Variants in CNOT10 observed in about 807,000 individuals in gnomAD.
The protein encoded by CNOT10 is CCR4-NOT transcription complex, subunit 10.
A neutral mutation model predicts 94.6 loss-of-function variants in CNOT10; 30 were observed. That is an observed-to-expected ratio of 0.32 (90% confidence interval 0.24 to 0.43). The LOEUF (loss-of-function observed/expected upper bound fraction) is 0.43, where lower values mean the gene tolerates loss of function less well. CNOT10 is among the 20% of genes least tolerant of loss of function. The pLI is 1.00. For synonymous variants in CNOT10, 289 were observed against 301.6 expected (o/e 0.96, Z 0.43); for missense variants, 759 against 877.2 (o/e 0.87, Z 1.70).
intron 13 of CNOT10, among the ~76,000 whole-genome samples, chr3:32,746,026 T>A (rs1303547312): frequency 6.6e-6 from 1 of 152,228 alleles, no homozygotes; most frequent in Admixed American, 6.5e-5. Flanking sequence ...CAAGTTAACA[T>A]GGATGAATCT....
At chr3:32,704,080 A>T in intron 2 of CNOT10, 118 bp downstream of exon 2, 2 of 565,820 alleles carry the variant, frequency 3.5e-6, no homozygotes, top group Non-Finnish European at 6.2e-6. Context: ...AAGTTAATTT[A>T]GAGATAAGTA....
In CNOT10 at chr3:32,715,664, C is replaced by A. The variant is rs549749702; in HGVS notation, c.574-561C>A. On this transcript the variant is annotated intron_variant, in intron 5 of 18. Transcript: ENST00000328834. The stretch of plus-strand genomic sequence containing the variant: ...AAGCCCAGGCTGGCCACAGTGGAGA[C>A]CCCCGTCTCTATGAAAAATTAAAAT... 9.2e-5 allele frequency among the ~76,000 whole-genome samples: 14 copies of A among 152,222 alleles called. No homozygotes were observed. The South Asian group carries it at 2.1e-3, about 23-fold the overall frequency.
Position 32,764,614 on chromosome 3 carries a change from G to A in CNOT10, c.1877-68G>A, listed in dbSNP as rs907628574. On this transcript the variant is annotated intron_variant, in intron 16 of 18. Coordinates refer to ENST00000328834, the MANE Select transcript of CNOT10 (RefSeq NM_015442.3). Reference sequence around the variant, plus strand: ...GCTGTGCCAAGTGGCTCCTCAAGGCGATAGATTGGGTTGCTTCCTTGCTGT... The same window carrying A: ...GCTGTGCCAAGTGGCTCCTCAAGGCAATAGATTGGGTTGCTTCCTTGCTGT... The A allele has an allele frequency of 2.1e-5, 33 of 1,605,004 alleles. No individual in the cohort carries two copies. The African/African-American group carries it at 2.1e-4, about 10-fold the overall frequency.
chr3:32,732,116 C>T (rs573454230), intron 10 of CNOT10, among the ~76,000 whole-genome samples: 7 of 151,208 alleles, frequency 4.6e-5, no homozygotes, highest in Admixed American at 1.3e-4. Flanking sequence ...TCTGGCTGGG[C>T]GCGGTAGCTC....
At chr3:32,726,464 G>A (rs958394058) in intron 9 of CNOT10, among the ~76,000 whole-genome samples, 5 of 152,036 alleles carry the variant, frequency 3.3e-5, no homozygotes, top group African/African-American at 1.2e-4. Context: ...GGAGGCCGAG[G>A]TGGGCAGATC....
intron 1 of CNOT10, among the ~76,000 whole-genome samples, chr3:32,687,099 A>G (rs1467635189): frequency 1.3e-5 from 2 of 152,158 alleles, no homozygotes; most frequent in African/African-American, 4.8e-5. Flanking sequence ...TCCTGCTTTG[A>G]TATAAGGTTA....
chr3:32,685,737 G>A (rs766647058), intron 1 of CNOT10, among the ~76,000 whole-genome samples: 2 of 152,116 alleles, frequency 1.3e-5, no homozygotes, highest in Non-Finnish European at 2.9e-5. Context: ...GAATAACTCC[G>A]GCCCAAAAAG....
intron 1 of CNOT10, among the ~76,000 whole-genome samples, chr3:32,687,366 G>A (rs1696646782): frequency 6.7e-6 from 1 of 148,808 alleles, no homozygotes; most frequent in African/African-American, 2.5e-5. Context: ...GACTGTACAT[G>A]CTTTGGGCAT....
At chr3:32,685,606 C>T in intron 1 of CNOT10, 124 bp downstream of exon 1, 3 of 1,046,974 alleles carry the variant, frequency 2.9e-6, no homozygotes, top group East Asian at 2.6e-5. Context: ...GCGTGCATTT[C>T]TTTACCCCAT....
chr3:32,751,852 C>T (rs1398249122), intron 13 of CNOT10, among the ~76,000 whole-genome samples: 2 of 152,176 alleles, frequency 1.3e-5, no homozygotes, highest in East Asian at 3.9e-4. Flanking sequence ...GTTCATCTAA[C>T]GAACTCTACC....
At position 32,717,167 on chromosome 3, in the gene CNOT10, C is replaced by T. The variant is rs775393232; in HGVS notation, c.674C>T (p.Ala225Val). The T allele has an allele frequency of 6.2e-7, 1 of 1,601,678 alleles. No homozygotes were observed. The highest frequency in any genetic ancestry group is 8.5e-7 in the Non-Finnish European group (1 of 1,171,234). Residue 225 changes from alanine (A) to valine (V), a missense_variant, in exon 7 of 19, where the codon GCT becomes GTT. By Grantham distance (64) the Ala-to-Val change is moderately conservative. This residue lies in a region of CNOT10 where 682 missense variants were observed against 799.4 expected (regional missense o/e 0.85). Coordinates refer to ENST00000328834, the MANE Select transcript of CNOT10 (RefSeq NM_015442.3). ...TCCCTTTGACAGTACAAAGTACGAG[C>T]TTATATCCAAATGAAGTCTCTGAAA... Reference protein sequence around the residue: ...KSKIHQYKVRAYIQMKSLKAC... With the variant: ...KSKIHQYKVRVYIQMKSLKAC...
At chr3:32,770,480 C>T (rs2125650975) in intron 18 of CNOT10, among the ~76,000 whole-genome samples, 1 of 151,652 alleles carries the variant, frequency 6.6e-6, no homozygotes, top group East Asian at 2.0e-4. Flanking sequence ...CGCCCGCCAC[C>T]ACGCCCACCT....
intron 13 of CNOT10, among the ~76,000 whole-genome samples, chr3:32,754,819 G>A (rs1257392475): frequency 6.7e-6 from 1 of 149,644 alleles, no homozygotes; most frequent in Non-Finnish European, 1.5e-5. Context: ...ACCGTGCCTG[G>A]CCTCTTTTGA....
chr3:32,698,905 C>T (rs1408871733), intron 1 of CNOT10, among the ~76,000 whole-genome samples: 1 of 152,192 alleles, frequency 6.6e-6, no homozygotes, highest in African/African-American at 2.4e-5. Context: ...CCCACCTTCG[C>T]CTCGCTTGTA....
Position 32,708,760 on chromosome 3 carries a change from C to T in CNOT10, c.370C>T (p.Arg124Trp), listed in dbSNP as rs201935613. The T allele has an allele frequency of 8.1e-5, 131 of 1,613,040 alleles. No homozygotes were observed. Among genetic ancestry groups the T allele is most frequent in the Admixed American group, 5.0e-5 (3 of 59,872 alleles). The change falls in exon 4 of 19, where the codon CGG (arginine) becomes TGG (tryptophan). Residue 124 changes from arginine (R) to tryptophan (W), a missense_variant. This residue lies in a region of CNOT10 where 682 missense variants were observed against 799.4 expected (regional missense o/e 0.85). Transcript: ENST00000328834. The part of the protein sequence containing the change: ...YNQAVILYHL[R>W]QYTEAISVGE... ...TCAAGCAGTCATTCTTTATCATCTG[C>T]GGCAGTATACAGAAGCCATATCAGT... is the stretch of plus-strand genomic sequence containing the variant.
intron 1 of CNOT10, chr3:32,695,602 C>G (rs1390393847): frequency 6.5e-7 from 1 of 1,535,076 alleles, no homozygotes; most frequent in Non-Finnish European, 8.7e-7. Flanking sequence ...TAGTTCAAAC[C>G]TAAAGGCAAT....
At chr3:32,741,768 C>CAAAAAAAAAAAAAAAA (rs529423159) in intron 13 of CNOT10, among the ~76,000 whole-genome samples, 5 of 86,550 alleles carry the variant, frequency 5.8e-5, no homozygotes, top group East Asian at 4.0e-4. Context: ...GACTCCGTCT[C>CAAAAAAAAAAAAAAAA]AAAAAAAAAA....
intron 3 of CNOT10, 144 bp downstream of exon 3, chr3:32,705,116 T>C: frequency 1.6e-6 from 1 of 643,954 alleles, no homozygotes; most frequent in Non-Finnish European, 2.5e-6. Flanking sequence ...TTCCGTAAAA[T>C]TATTATTCCA....
intron 5 of CNOT10, among the ~76,000 whole-genome samples, chr3:32,715,503 A>G (rs570416096): frequency 2.0e-5 from 3 of 152,312 alleles, no homozygotes; most frequent in African/African-American, 7.2e-5. Flanking sequence ...AAGAACTTTG[A>G]ATACTAGAAA....
Sources: gnomAD v4.1 joint callset for allele counts (sites outside exome capture counted in the v4.1 genomes callset) on GRCh38, gnomAD v4.1.1 for gene constraint, gnomAD v4.1.1 regional missense constraint, MANE v1.5 for transcripts, NCBI Gene and HGNC (gene_info 2026-07-23, HGNC 2026-07-21) for gene names.